VTA1: variants seen among roughly 807,000 people sequenced by gnomAD.
The protein encoded by VTA1 is vacuolar protein sorting-associated protein VTA1 homolog.
Under a neutral mutation model 36.9 loss-of-function variants are expected in VTA1, and 24 were observed. The ratio of observed to expected loss-of-function variants is 0.65; its 90% CI spans 0.47 to 0.91. The LOEUF is 0.91. Ranked by LOEUF, VTA1 falls within the 40% of genes least tolerant of loss-of-function variation. The probability of loss-of-function intolerance (pLI) is 0.00; values close to 1 mark genes in which losing one functional copy is unlikely to be tolerated. For missense variants in VTA1, 393 were observed against 377.2 expected (o/e 1.04, Z -0.35); for synonymous variants, 142 against 130.2 (o/e 1.09, Z -0.62).
At chr6:142,175,953 T>A (rs769979238) in intron 4 of VTA1, among the ~76,000 whole-genome samples, 11 of 152,190 alleles carry the variant, frequency 7.2e-5, no homozygotes, top group Admixed American at 2.6e-4. Context: ...AACTGTGCCT[T>A]ATTATCATTC....
intron 4 of VTA1, among the ~76,000 whole-genome samples, chr6:142,186,080 AC>A (rs1219767955): frequency 6.6e-6 from 1 of 152,160 alleles, no homozygotes. Flanking sequence ...GGAGAGTCTG[AC>A]CTTTGATTGG....
chr6:142,211,180 G>A (rs1775896066), intron 7 of VTA1, among the ~76,000 whole-genome samples: 1 of 151,742 alleles, frequency 6.6e-6, no homozygotes, highest in Admixed American at 6.6e-5. Flanking sequence ...AAGGGGGAAG[G>A]AGTGGAGGAT....
Position 142,175,774 on chromosome 6 carries a change from A to AT in VTA1, c.411+5362dup, listed in dbSNP as rs202026296. On this transcript the variant is annotated intron_variant, in intron 4 of 7. Coordinates refer to ENST00000367630, the MANE Select transcript of VTA1 (RefSeq NM_016485.5). ...TGATAATTTTCTTGGTCATTTCTTG[A>AT]TTTTTTTTTCCTTTTAATTTCATGT... 5.9e-4 allele frequency among the ~76,000 whole-genome samples: 89 copies of AT among 150,996 alleles called. 1 individual carries two copies. Among genetic ancestry groups the AT allele is most frequent in the African/African-American group, 1.4e-3 (56 of 41,188 alleles).
chr6:142,152,446 G>A (rs1272953905), intron 1 of VTA1, among the ~76,000 whole-genome samples: 1 of 151,966 alleles, frequency 6.6e-6, no homozygotes, highest in Non-Finnish European at 1.5e-5. Flanking sequence ...GAAAAACTGG[G>A]ATTTGGGGGG....
At chr6:142,199,877 G>A (rs1775646342) in intron 6 of VTA1, among the ~76,000 whole-genome samples, 1 of 151,820 alleles carries the variant, frequency 6.6e-6, no homozygotes, top group African/African-American at 2.4e-5. Flanking sequence ...AAAATTTCTT[G>A]GAACACTTTT....
intron 4 of VTA1, among the ~76,000 whole-genome samples, chr6:142,181,437 A>G (rs1359904174): frequency 7.9e-6 from 1 of 126,470 alleles, no homozygotes; most frequent in East Asian, 2.5e-4. Flanking sequence ...CAGGCCTGAC[A>G]CACACACTTT....
intron 5 of VTA1, 81 bp downstream of exon 5, chr6:142,189,615 A>G: frequency 1.8e-6 from 2 of 1,103,002 alleles, no homozygotes; most frequent in Non-Finnish European, 2.6e-6. Context: ...TTTGGAGGGA[A>G]CAATACAGTT....
In VTA1 at chr6:142,196,732, CT is replaced by C. The variant is rs554184535; in HGVS notation, c.521-1700del. Among the ~76,000 whole-genome samples, 96 of 152,014 alleles carry C rather than the reference CT, an allele frequency of 6.3e-4. 1 individual carries two copies. The highest frequency in any genetic ancestry group is 2.1e-3 in the African/African-American group (86 of 41,492). On this transcript the variant is annotated intron_variant, in intron 5 of 7. Transcript: ENST00000367630. ...CATTTTGAGGTCTTTTTTGTAGACTCTTTTTTTCACATTTTCCTTTTCTCCC... is the reference window on the plus strand; with the variant it reads ...CATTTTGAGGTCTTTTTTGTAGACTCTTTTTTCACATTTTCCTTTTCTCCC...
At chr6:142,173,542 A>G (rs941098415) in intron 4 of VTA1, among the ~76,000 whole-genome samples, 2 of 152,170 alleles carry the variant, frequency 1.3e-5, no homozygotes, top group Non-Finnish European at 2.9e-5. Context: ...TGGGGAAGCT[A>G]CCTTCCCCTA....
chr6:142,149,952 C>A (rs975790170), intron 1 of VTA1, among the ~76,000 whole-genome samples: 1 of 152,032 alleles, frequency 6.6e-6, no homozygotes, highest in Non-Finnish European at 1.5e-5. Flanking sequence ...TTGATTCTGT[C>A]ATTTTTTTTT....
chr6:142,201,027 C>T (rs947916958), intron 6 of VTA1, among the ~76,000 whole-genome samples: 2 of 151,852 alleles, frequency 1.3e-5, no homozygotes, highest in East Asian at 1.9e-4. Flanking sequence ...TTTGAATCCA[C>T]GTTTTTTTGA....
At chr6:142,173,312 C>T (rs1175167105) in intron 4 of VTA1, among the ~76,000 whole-genome samples, 1 of 152,178 alleles carries the variant, frequency 6.6e-6, no homozygotes, top group African/African-American at 2.4e-5. Context: ...TAAACACATT[C>T]GTAGATGTGA....
intron 4 of VTA1, among the ~76,000 whole-genome samples, chr6:142,174,499 C>T (rs908619024): frequency 9.9e-5 from 15 of 152,038 alleles, no homozygotes; most frequent in Non-Finnish European, 5.9e-5. Context: ...AAGGAATGTG[C>T]CTTGATTCTT....
At position 142,222,442 on chromosome 6, in the gene VTA1, C is replaced by G. The variant is rs1242771747; in HGVS notation, c.*3799C>G. On this transcript the variant is annotated 3_prime_UTR_variant, in exon 8 of 8. Transcript: ENST00000367630. ...CCTAGGAAGTTTACTGACATCAGGA[C>G]TACACCAAGAAAAAGACTCCAGTTA... 6.6e-6 allele frequency: 1 copy of G among 152,120 alleles called. No homozygotes were observed. Among genetic ancestry groups the G allele is most frequent in the Non-Finnish European group, 1.5e-5 (1 of 68,028 alleles). The allele number at this position is 152,120 out of a possible 1,614,324, so 9.4% of individuals were successfully genotyped here.
chr6:142,211,096 C>T (rs1333248054), intron 7 of VTA1, among the ~76,000 whole-genome samples: 5 of 151,678 alleles, frequency 3.3e-5, no homozygotes, highest in African/African-American at 9.7e-5. Flanking sequence ...TGTTCTCACT[C>T]ACATGTGGGA....
At chr6:142,191,018 A>G (rs1377449084) in intron 5 of VTA1, among the ~76,000 whole-genome samples, 1 of 152,102 alleles carries the variant, frequency 6.6e-6, no homozygotes, top group Non-Finnish European at 1.5e-5. Flanking sequence ...TGTGTGATAA[A>G]CCCCACTTGG....
chr6:142,179,624 T>C (rs1298294062), intron 4 of VTA1, among the ~76,000 whole-genome samples: 1 of 152,156 alleles, frequency 6.6e-6, no homozygotes, highest in Non-Finnish European at 1.5e-5. Flanking sequence ...ATTCCCTTCA[T>C]ATACATATGT....
At chr6:142,210,029 TG>T (rs1264244352) in intron 7 of VTA1, among the ~76,000 whole-genome samples, 2 of 152,130 alleles carry the variant, frequency 1.3e-5, no homozygotes, top group African/African-American at 2.4e-5. Flanking sequence ...TACAAAGCTA[TG>T]ATAACCAAAA....
intron 6 of VTA1, among the ~76,000 whole-genome samples, chr6:142,202,858 T>C (rs558699203): frequency 2.0e-5 from 3 of 152,168 alleles, no homozygotes; most frequent in African/African-American, 7.2e-5. Context: ...CTGTGTACTT[T>C]AAAATTTTTC....
Sources: allele counts gnomAD v4.1 joint callset (sites outside exome capture counted in the v4.1 genomes callset), GRCh38; gene constraint gnomAD v4.1.1; transcripts MANE v1.5; gene names NCBI Gene and HGNC (gene_info 2026-07-23, HGNC 2026-07-21).